Variants in DPP10 observed in about 807,000 individuals in gnomAD.
The protein encoded by DPP10 is inactive dipeptidyl peptidase 10.
Under a neutral mutation model 120.9 loss-of-function variants are expected in DPP10, and 33 were observed. The ratio of observed to expected loss-of-function variants is 0.27; its 90% confidence interval spans 0.21 to 0.37. The LOEUF (loss-of-function observed/expected upper bound fraction) is 0.37. DPP10 is among the 10% of genes least tolerant of loss of function. The probability of loss-of-function intolerance (pLI) is 1.00; values close to 1 mark genes in which losing one functional copy is unlikely to be tolerated. For missense variants in DPP10, 816 were observed against 942.8 expected (o/e 0.87, Z 1.76); for synonymous variants, 337 against 326.1 (o/e 1.03, Z -0.36).
rs1437586654 is a variant in DPP10, at chr2:115,842,441, C to T, written c.*96C>T. 2 of 1,434,748 alleles carry T rather than the reference C, an allele frequency of 1.4e-6. No individual in the cohort carries two copies. Among genetic ancestry groups the T allele is most frequent in the Non-Finnish European group, 9.4e-7 (1 of 1,067,152 alleles). 88.9% of individuals were successfully genotyped at this position (1,434,748 alleles called of 1,614,324 possible). On this transcript the variant is annotated 3_prime_UTR_variant, in exon 26 of 26. Transcript: ENST00000410059. The stretch of plus-strand genomic sequence containing the variant: ...TGTAGTTGCTCCAGAATGTCAAGGG[C>T]AGCTTACGGAGATGTCACTGGAGCA...
At position 115,253,419 on chromosome 2, in the gene DPP10, T is replaced by C. The variant is rs543858540; in HGVS notation, c.61-55820T>C. ...TTGTCCCAATAGTCCCCCAATGTCTTATTTCATCCCAGCATTAACTCAAAA... is the reference window on the plus strand; with the variant it reads ...TTGTCCCAATAGTCCCCCAATGTCTCATTTCATCCCAGCATTAACTCAAAA... On this transcript the variant is annotated intron_variant, in intron 1 of 25. Coordinates refer to ENST00000410059, the MANE Select transcript of DPP10 (RefSeq NM_020868.6). 2.6e-4 allele frequency among the ~76,000 whole-genome samples: 39 copies of C among 152,288 alleles called. No individual in the cohort carries two copies. The South Asian group carries it at 5.8e-3, about 23-fold the overall frequency.
At chr2:114,855,839 G>A (rs1407360998) in intron 1 of DPP10, among the ~76,000 whole-genome samples, 1 of 151,962 alleles carries the variant, frequency 6.6e-6, no homozygotes, top group Non-Finnish European at 1.5e-5. Flanking sequence ...CCTCAGTGGG[G>A]TGCCCTGCTA....
intron 1 of DPP10, among the ~76,000 whole-genome samples, chr2:115,305,879 CCAT>C (rs2061339119): frequency 6.6e-6 from 1 of 151,954 alleles, no homozygotes; most frequent in Admixed American, 6.6e-5. Context: ...CTACCATTCA[CCAT>C]CATCATTATG....
chr2:115,015,466 C>T (rs1463163945), intron 1 of DPP10, among the ~76,000 whole-genome samples: 2 of 152,274 alleles, frequency 1.3e-5, no homozygotes, highest in Non-Finnish European at 2.9e-5. Flanking sequence ...TCTCTCACTA[C>T]TCCTATTCAA....
intron 3 of DPP10, among the ~76,000 whole-genome samples, chr2:115,385,195 G>T (rs1195160070): frequency 6.6e-6 from 1 of 152,030 alleles, no homozygotes; most frequent in Non-Finnish European, 1.5e-5. Flanking sequence ...TGTCTCCCTT[G>T]AGGATCCTCA....
chr2:115,198,777 T>C (rs2055476108), intron 1 of DPP10, among the ~76,000 whole-genome samples: 1 of 152,140 alleles, frequency 6.6e-6, no homozygotes, highest in Admixed American at 6.5e-5. Flanking sequence ...AAATCTCCAG[T>C]GCCTATGTCA....
At chr2:115,802,388 G>T (rs1685364543) in intron 19 of DPP10, among the ~76,000 whole-genome samples, 1 of 152,030 alleles carries the variant, frequency 6.6e-6, no homozygotes, top group Admixed American at 6.6e-5. Flanking sequence ...CCAGCTTCTG[G>T]ATTCATTAAT....
At chr2:115,754,341 T>C (rs888001992) in intron 11 of DPP10, among the ~76,000 whole-genome samples, 1 of 152,138 alleles carries the variant, frequency 6.6e-6, no homozygotes, top group Admixed American at 6.6e-5. Flanking sequence ...TAGCTGTGCA[T>C]ACCTATATGT....
In DPP10 at chr2:115,768,310, T is replaced by C. The variant is rs762685897; in HGVS notation, c.1127T>C (p.Val376Ala). 1.2e-6 allele frequency: 2 copies of C among 1,613,618 alleles called. No homozygotes were observed. The highest frequency in any genetic ancestry group is 1.7e-6 in the Non-Finnish European group (2 of 1,179,656). The change falls in exon 13 of 26, where the codon GTG becomes GCG. Residue 376 changes from valine to alanine, a missense_variant. Val to Ala is a moderately conservative substitution (Grantham distance 64, BLOSUM62 0). This residue lies in a region of DPP10 where 592 missense variants were observed against 649.0 expected (regional missense o/e 0.91). Coordinates refer to ENST00000410059, the MANE Select transcript of DPP10 (RefSeq NM_020868.6). ...TWLSQQNEEPVFSRDGSKFFM... is the reference protein window; with the variant it reads ...TWLSQQNEEPAFSRDGSKFFM... The stretch of plus-strand genomic sequence containing the variant: ...TCTGTATTTTAGAATGAGGAGCCCG[T>C]GTTTTCTAGAGACGGCAGCAAATTC...
chr2:114,882,658 C>G (rs1056436255), intron 1 of DPP10, among the ~76,000 whole-genome samples: 1 of 151,888 alleles, frequency 6.6e-6, no homozygotes, highest in African/African-American at 2.4e-5. Context: ...AACAGAAAAC[C>G]CCTGTACCCC....
intron 4 of DPP10, among the ~76,000 whole-genome samples, chr2:115,507,032 G>GCACACA (rs34873744): frequency 0.014 from 2,055 of 148,796 alleles, 35 homozygotes; most frequent in African/African-American, 0.046. Context: ...ACACACGCAC[G>GCACACA]CGCACACACA....
At chr2:114,967,576 G>A (rs1699121976) in intron 1 of DPP10, among the ~76,000 whole-genome samples, 2 of 152,262 alleles carry the variant, frequency 1.3e-5, no homozygotes, top group East Asian at 3.9e-4. Context: ...TACTATGAAT[G>A]ATCATGTAAG....
intron 1 of DPP10, among the ~76,000 whole-genome samples, chr2:115,260,755 TA>T (rs1357735847): frequency 6.6e-6 from 1 of 152,224 alleles, no homozygotes; most frequent in Non-Finnish European, 1.5e-5. Flanking sequence ...GGTTTGTTCT[TA>T]AATAGGTTTT....
At chr2:114,650,820 A>G (rs944733176) in intron 1 of DPP10, among the ~76,000 whole-genome samples, 1 of 151,580 alleles carries the variant, frequency 6.6e-6, no homozygotes, top group Non-Finnish European at 1.5e-5. Flanking sequence ...GCTTCAATAA[A>G]CTCTCATTAA....
At chr2:115,644,939 A>G (rs1427661505) in intron 5 of DPP10, among the ~76,000 whole-genome samples, 3 of 152,212 alleles carry the variant, frequency 2.0e-5, no homozygotes, top group Admixed American at 1.3e-4. Flanking sequence ...ATGCCTAACA[A>G]CATAATTGGA....
chr2:115,731,897 C>G (rs1464129024), intron 8 of DPP10, among the ~76,000 whole-genome samples: 1 of 152,182 alleles, frequency 6.6e-6, no homozygotes, highest in Non-Finnish European at 1.5e-5. Flanking sequence ...TTTTCCCTCA[C>G]TATTTTGACT....
chr2:115,529,461 T>G (rs1016869815), intron 5 of DPP10, among the ~76,000 whole-genome samples: 1 of 622 alleles, frequency 1.6e-3, no homozygotes, highest in East Asian at 0.5. Context: ...TGGCAAAAGT[T>G]TTTTTTTTTT....
chr2:114,525,956 AG>A (rs1685466159), intron 1 of DPP10, among the ~76,000 whole-genome samples: 1 of 152,194 alleles, frequency 6.6e-6, no homozygotes, highest in Non-Finnish European at 1.5e-5. Context: ...CCCTCTATTT[AG>A]GCACAAGCAA....
chr2:115,740,492 A>G (rs1431580324), intron 9 of DPP10, among the ~76,000 whole-genome samples: 1 of 152,174 alleles, frequency 6.6e-6, no homozygotes, highest in Non-Finnish European at 1.5e-5. Context: ...GAAAGCATTT[A>G]TTAGTATTAG....
Sources: gnomAD v4.1 joint callset for allele counts (sites outside exome capture counted in the v4.1 genomes callset) on GRCh38, gnomAD v4.1.1 for gene constraint, gnomAD v4.1.1 regional missense constraint, MANE v1.5 for transcripts, NCBI Gene and HGNC (gene_info 2026-07-23, HGNC 2026-07-21) for gene names.